Variants in SDK1 observed in about 807,000 individuals in gnomAD.
SDK1 encodes protein sidekick-1.
In SDK1, 157 loss-of-function variants were observed where a neutral mutation model predicts 245.5. The ratio of observed to expected loss-of-function variants is 0.64; its 90% CI spans 0.56 to 0.73. SDK1 has a LOEUF of 0.73. Among genes scored for constraint, SDK1 ranks in the 30% least tolerant of loss-of-function variants. SDK1 has a pLI of 0.00. For synonymous variants in SDK1, 1,647 were observed against 1,278.5 expected, an observed-to-expected ratio of 1.29 and a Z score of -6.15; for missense variants, 3,583 against 3,002.3, an observed-to-expected ratio of 1.19 and a Z score of -4.52.
At chr7:3,920,715 C>A (rs868819046) in intron 5 of SDK1, among the ~76,000 whole-genome samples, 1 of 151,958 alleles carries the variant, frequency 6.6e-6, no homozygotes, top group South Asian at 2.1e-4. Flanking sequence ...TTCTAATGGC[C>A]TCAGATAAGA....
At chr7:4,162,944 G>A (rs1245836187) in intron 32 of SDK1, among the ~76,000 whole-genome samples, 1 of 152,234 alleles carries the variant, frequency 6.6e-6, no homozygotes, top group Non-Finnish European at 1.5e-5. Context: ...GATCCCAGCT[G>A]AAGAGTGGGG....
intron 17 of SDK1, among the ~76,000 whole-genome samples, chr7:4,043,748 C>G (rs1788813907): frequency 6.6e-6 from 1 of 152,142 alleles, no homozygotes; most frequent in Non-Finnish European, 1.5e-5. Flanking sequence ...ATATGATCCT[C>G]ATAGCCTTAC....
intron 40 of SDK1, chr7:4,227,445 C>G (rs1008112306): frequency 2.1e-5 from 10 of 470,638 alleles, no homozygotes; most frequent in Non-Finnish European, 4.0e-5. Flanking sequence ...TTTTTTAAAT[C>G]AGATGTATTT....
At chr7:3,953,379 C>T (rs768220389) in intron 7 of SDK1, among the ~76,000 whole-genome samples, 6 of 152,152 alleles carry the variant, frequency 3.9e-5, no homozygotes, top group East Asian at 3.9e-4. Flanking sequence ...CCAAGGAAGC[C>T]GGCTTTGAGT....
Position 3,858,301 on chromosome 7 carries a change from C to G in SDK1, c.847+36718C>G, listed in dbSNP as rs201045379. ...GCACCGTGGCACATGCCTGTAATCC[C>G]AGCTACTCAGGAGGCTAAGAGCGGG... On this transcript the variant is annotated intron_variant, in intron 5 of 44. Coordinates refer to ENST00000404826, the MANE Select transcript of SDK1 (RefSeq NM_152744.4). Among the ~76,000 whole-genome samples the G allele has an allele frequency of 6.6e-5, 10 of 152,160 alleles. No homozygotes were observed. In the East Asian group the frequency reaches 1.9e-3, roughly 29 times the overall value.
chr7:4,238,471 G>C (rs1269398203), intron 42 of SDK1, among the ~76,000 whole-genome samples: 1 of 152,116 alleles, frequency 6.6e-6, no homozygotes, highest in Non-Finnish European at 1.5e-5. Context: ...GGCTAAGGCT[G>C]AGGATCACCT....
intron 4 of SDK1, among the ~76,000 whole-genome samples, chr7:3,676,651 G>A (rs1448213373): frequency 2.0e-5 from 3 of 152,140 alleles, no homozygotes; most frequent in African/African-American, 4.8e-5. Context: ...TAAGCTTGAG[G>A]TCTTATATTT....
chr7:3,599,442 A>C (rs1444019933), intron 1 of SDK1, among the ~76,000 whole-genome samples: 1 of 152,166 alleles, frequency 6.6e-6, no homozygotes, highest in Non-Finnish European at 1.5e-5. Context: ...CTCTCCGTAG[A>C]GTCTTTTGAA....
chr7:4,100,309 C>T (rs1302377059), intron 22 of SDK1, among the ~76,000 whole-genome samples: 1 of 152,136 alleles, frequency 6.6e-6, no homozygotes, highest in African/African-American at 2.4e-5. Context: ...ACATGGCCTC[C>T]AGGAGAAGGG....
intron 33 of SDK1, among the ~76,000 whole-genome samples, chr7:4,174,743 C>G (rs1782080558): frequency 6.6e-6 from 1 of 152,166 alleles, no homozygotes; most frequent in Admixed American, 6.5e-5. Flanking sequence ...CTGTACCAGA[C>G]AGCCTCAGCG....
At chr7:3,514,953 C>T (rs1782695434) in intron 1 of SDK1, among the ~76,000 whole-genome samples, 1 of 152,172 alleles carries the variant, frequency 6.6e-6, no homozygotes, top group Non-Finnish European at 1.5e-5. Flanking sequence ...TAATACAAAT[C>T]AGAACAATAA....
intron 1 of SDK1, among the ~76,000 whole-genome samples, chr7:3,498,729 A>G (rs1212501834): frequency 7.3e-6 from 1 of 137,320 alleles, no homozygotes; most frequent in Non-Finnish European, 1.6e-5. Context: ...TGTAGGCCTC[A>G]TCTTTTTTTT....
chr7:3,637,544 C>T lies in SDK1; in HGVS notation c.459-1460C>T, dbSNP rs546079326. On this transcript the variant is annotated intron_variant, in intron 2 of 44. Coordinates refer to ENST00000404826, the MANE Select transcript of SDK1 (RefSeq NM_152744.4). ...GGCTCCGGAGTTGTAAGACGCATTT[C>T]GAGTGGCGGTTGGTTACCTATCTTT... 3.9e-5 allele frequency among the ~76,000 whole-genome samples: 6 copies of T among 152,292 alleles called. No homozygotes were observed. The East Asian group carries it at 9.6e-4, about 24-fold the overall frequency.
At chr7:3,328,070 G>A (rs926349557) in intron 1 of SDK1, among the ~76,000 whole-genome samples, 2 of 152,138 alleles carry the variant, frequency 1.3e-5, no homozygotes, top group African/African-American at 4.8e-5. Flanking sequence ...TAAAAATAAC[G>A]TGTTACTGGT....
intron 1 of SDK1, among the ~76,000 whole-genome samples, chr7:3,309,542 T>TTTTTTTTTTTTTTTTTTTTTTTTA: frequency 6.7e-6 from 1 of 148,656 alleles, no homozygotes; most frequent in Non-Finnish European, 1.5e-5. Context: ...TTTTTTTTTT[T>TTTTTTTTTTTTTTTTTTTTTTTTA]ACATGAGTGT....
chr7:4,200,826 A>G (rs1231694550), intron 35 of SDK1, among the ~76,000 whole-genome samples: 1 of 152,232 alleles, frequency 6.6e-6, no homozygotes, highest in African/African-American at 2.4e-5. Context: ...AGTAACAGGA[A>G]GTGGATCTGC....
chr7:3,962,714 A>G lies in SDK1; in HGVS notation c.1292A>G (p.Gln431Arg). The G allele has an allele frequency of 6.2e-7, 1 of 1,613,820 alleles. No homozygotes were observed. The highest frequency in any genetic ancestry group is 8.5e-7 in the Non-Finnish European group (1 of 1,179,874). The change falls in exon 9 of 45, where the codon CAG becomes CGG. Residue 431 changes from glutamine to arginine, a missense_variant. Coordinates refer to ENST00000404826, the MANE Select transcript of SDK1 (RefSeq NM_152744.4). The part of the protein sequence containing the change: ...YKDAISISRL[Q>R]NPRYKVLASG... Reference sequence around the variant, plus strand: ...GATGCCATCTCCATCAGCAGGCTCCAGAATCCTCGATACAAAGTGCTCGCC... The same window carrying G: ...GATGCCATCTCCATCAGCAGGCTCCGGAATCCTCGATACAAAGTGCTCGCC...
intron 4 of SDK1, among the ~76,000 whole-genome samples, chr7:3,804,757 G>T (rs1189855072): frequency 6.6e-6 from 1 of 152,112 alleles, no homozygotes; most frequent in African/African-American, 2.4e-5. Flanking sequence ...GTAGTTTTCA[G>T]CATACAAGTT....
intron 17 of SDK1, among the ~76,000 whole-genome samples, chr7:4,020,796 C>T (rs555451749): frequency 6.6e-6 from 1 of 152,350 alleles, no homozygotes; most frequent in East Asian, 1.9e-4. Flanking sequence ...AGCACCTGTG[C>T]CCGTTCTGAG....
Sources: allele counts gnomAD v4.1 joint callset (sites outside exome capture counted in the v4.1 genomes callset), GRCh38; gene constraint gnomAD v4.1.1; transcripts MANE v1.5; gene names NCBI Gene and HGNC (gene_info 2026-07-23, HGNC 2026-07-21).